The following APP variants were observed in gnomAD, a reference collection of about 807,000 sequenced individuals.
APP encodes amyloid beta precursor protein, also known as amyloid-beta precursor protein.
A neutral mutation model predicts 101.4 loss-of-function variants in APP; 31 were observed. The ratio of observed to expected loss-of-function variants is 0.31; its 90% CI spans 0.23 to 0.41. The LOEUF (loss-of-function observed/expected upper bound fraction) is 0.41, where lower values mean the gene tolerates loss of function less well. Among genes scored for constraint, APP ranks in the 10% least tolerant of loss-of-function variants. The pLI is 1.00. For missense variants in APP, 839 were observed against 1,003.7 expected (o/e 0.84, Z 2.22); for synonymous variants, 366 against 364.4 (o/e 1.00, Z -0.05).
intron 5 of APP, among the ~76,000 whole-genome samples, chr21:26,042,744 AAAAT>A (rs1210109884): frequency 3.3e-5 from 5 of 151,948 alleles, no homozygotes; most frequent in African/African-American, 4.8e-5. Flanking sequence ...CTCTACAAAA[AAAAT>A]AAATAAATCA....
At chr21:25,938,333 G>A (rs2040436219) in intron 13 of APP, among the ~76,000 whole-genome samples, 1 of 152,068 alleles carries the variant, frequency 6.6e-6, no homozygotes, top group Non-Finnish European at 1.5e-5. Context: ...TGGGGACTGG[G>A]GGAAGCAGGG....
At chr21:26,095,099 C>T (rs2146132905) in intron 2 of APP, among the ~76,000 whole-genome samples, 1 of 152,332 alleles carries the variant, frequency 6.6e-6, no homozygotes, top group Admixed American at 6.5e-5. Flanking sequence ...CCGCCTTGGC[C>T]TCCCAAAGTG....
intron 3 of APP, among the ~76,000 whole-genome samples, chr21:26,083,585 T>C (rs1339860869): frequency 2.6e-5 from 4 of 152,260 alleles, no homozygotes; most frequent in African/African-American, 9.6e-5. Flanking sequence ...ATCAGAGAAA[T>C]TTCTTTTGAG....
At chr21:25,971,712 T>C (rs890095910) in intron 11 of APP, among the ~76,000 whole-genome samples, 1 of 152,314 alleles carries the variant, frequency 6.6e-6, no homozygotes, top group African/African-American at 2.4e-5. Context: ...TAACAGTGCT[T>C]GGTGTTCACA....
At chr21:26,006,300 C>T (rs536259913) in intron 6 of APP, among the ~76,000 whole-genome samples, 3 of 152,308 alleles carry the variant, frequency 2.0e-5, no homozygotes, top group East Asian at 3.9e-4. Context: ...CTGATATTCA[C>T]TTATCTGAAT....
chr21:25,892,957 A>C (rs375226987), intron 16 of APP, among the ~76,000 whole-genome samples: 4,165 of 102,142 alleles, frequency 0.041, 111 homozygotes, highest in African/African-American at 0.13. Context: ...TTTAAAAAAA[A>C]AAAACAAAAA....
chr21:26,002,157 A>T (rs1368609670), intron 6 of APP, among the ~76,000 whole-genome samples: 2 of 152,194 alleles, frequency 1.3e-5, no homozygotes, highest in Admixed American at 6.5e-5. Context: ...CCACGTTTCC[A>T]TCTGAAAACC....
chr21:26,088,939 G>A (rs1158643665), intron 3 of APP, among the ~76,000 whole-genome samples: 1 of 152,122 alleles, frequency 6.6e-6, no homozygotes, highest in Non-Finnish European at 1.5e-5. Flanking sequence ...GCACATGAAT[G>A]AACAGCAATC....
intron 5 of APP, among the ~76,000 whole-genome samples, chr21:26,035,397 T>A (rs561941376): frequency 2.0e-5 from 3 of 152,194 alleles, no homozygotes; most frequent in Admixed American, 6.5e-5. Context: ...GCTGGGGATA[T>A]TGACTTGTGT....
intron 6 of APP, among the ~76,000 whole-genome samples, chr21:26,018,685 G>T (rs2044207152): frequency 6.6e-6 from 1 of 152,192 alleles, no homozygotes; most frequent in South Asian, 2.1e-4. Flanking sequence ...GAGGTGGAAT[G>T]AATGGACCTG....
intron 7 of APP, among the ~76,000 whole-genome samples, chr21:25,998,137 C>T (rs142482166): frequency 1.2e-4 from 19 of 152,156 alleles, no homozygotes; most frequent in Admixed American, 3.3e-4. Context: ...CTCTTATTAC[C>T]AAAAACTATA....
chr21:25,986,864 T>C (rs1466614115), intron 8 of APP, among the ~76,000 whole-genome samples: 1 of 152,202 alleles, frequency 6.6e-6, no homozygotes, highest in Non-Finnish European at 1.5e-5. Context: ...TCTCGTTTAA[T>C]ACATGGGAAG....
At chr21:26,128,618 C>G (rs2062730642) in intron 1 of APP, among the ~76,000 whole-genome samples, 2 of 151,992 alleles carry the variant, frequency 1.3e-5, no homozygotes, top group African/African-American at 4.8e-5. Context: ...TTCTCAAAAA[C>G]AGTTTTCAGA....
At chr21:25,906,109 C>T (rs2038775334) in intron 14 of APP, among the ~76,000 whole-genome samples, 2 of 152,194 alleles carry the variant, frequency 1.3e-5, no homozygotes, top group Non-Finnish European at 2.9e-5. Context: ...CTGATGCACA[C>T]AGGCCAGGCA....
At chr21:26,044,155 TA>T (rs2045501892) in intron 5 of APP, among the ~76,000 whole-genome samples, 1 of 152,146 alleles carries the variant, frequency 6.6e-6, no homozygotes, top group African/African-American at 2.4e-5. Context: ...CAAGATGGTT[TA>T]AAAAAAGTCT....
At chr21:25,993,854 CA>C (rs1386472755) in intron 8 of APP, among the ~76,000 whole-genome samples, 2 of 151,450 alleles carry the variant, frequency 1.3e-5, no homozygotes, top group African/African-American at 2.4e-5. Context: ...GGGTAGGGGT[CA>C]GGGGTACTGC....
intron 15 of APP, among the ~76,000 whole-genome samples, chr21:25,903,594 C>A (rs1398662417): frequency 6.6e-6 from 1 of 151,814 alleles, no homozygotes; most frequent in Non-Finnish European, 1.5e-5. Context: ...GAAAAAAGTC[C>A]CAAGGCAAAT....
intron 5 of APP, among the ~76,000 whole-genome samples, chr21:26,025,156 G>A (rs143303246): frequency 6.6e-5 from 10 of 152,204 alleles, no homozygotes; most frequent in East Asian, 5.8e-4. Flanking sequence ...AGTTTACTAC[G>A]TGGGGCTACA....
intron 9 of APP, among the ~76,000 whole-genome samples, chr21:25,981,431 C>G (rs564769218): frequency 2.6e-5 from 4 of 152,110 alleles, no homozygotes; most frequent in African/African-American, 4.8e-5. Flanking sequence ...TCTTTTCCCC[C>G]CACATTCACT....
Sources: allele counts gnomAD v4.1 joint callset (sites outside exome capture counted in the v4.1 genomes callset), GRCh38; gene constraint gnomAD v4.1.1; transcripts MANE v1.5; gene names NCBI Gene and HGNC (gene_info 2026-07-23, HGNC 2026-07-21).